XXYLT1: variants seen among roughly 807,000 people sequenced by gnomAD.
The protein encoded by XXYLT1 is xyloside xylosyltransferase 1, also known as UDP-xylose:alpha-xyloside alpha-1,3-xylosyltransferase.
In XXYLT1, 20 loss-of-function variants were observed where a neutral mutation model predicts 28.9. That is an observed-to-expected ratio of 0.69 (90% CI 0.49 to 1.00). The LOEUF is 1.00. XXYLT1 is among the 50% of genes least tolerant of loss of function. The probability of loss-of-function intolerance (pLI) is 0.00; values close to 1 mark genes in which losing one functional copy is unlikely to be tolerated. For missense variants in XXYLT1, 542 were observed against 560.1 expected (o/e 0.97, Z 0.33); for synonymous variants, 257 against 253.8 (o/e 1.01, Z -0.12).
At chr3:195,248,839 G>A (rs1725140279) in intron 1 of XXYLT1, among the ~76,000 whole-genome samples, 1 of 152,214 alleles carries the variant, frequency 6.6e-6, no homozygotes, top group Admixed American at 6.5e-5. Flanking sequence ...AGAATCGCTT[G>A]AACTCGGAGG....
chr3:195,245,446 T>C (rs1000929023), intron 1 of XXYLT1, among the ~76,000 whole-genome samples: 7 of 152,072 alleles, frequency 4.6e-5, no homozygotes, highest in African/African-American at 1.7e-4. Context: ...AATGAGCCAC[T>C]GCACCTGGCC....
intron 3 of XXYLT1, among the ~76,000 whole-genome samples, chr3:195,149,520 G>A (rs541442352): frequency 1.3e-5 from 2 of 152,282 alleles, no homozygotes; most frequent in African/African-American, 2.4e-5. Flanking sequence ...AACACCCCAC[G>A]CACGGGGGAA....
At chr3:195,251,963 G>A (rs918325262) in intron 1 of XXYLT1, among the ~76,000 whole-genome samples, 3 of 152,126 alleles carry the variant, frequency 2.0e-5, no homozygotes, top group South Asian at 2.1e-4. Context: ...GGAACCACCC[G>A]GCCATCTCTC....
chr3:195,122,226 C>T (rs755833067), intron 3 of XXYLT1: 42 of 701,010 alleles, frequency 6.0e-5, no homozygotes, highest in South Asian at 5.9e-4. Flanking sequence ...GCCCCACCTC[C>T]TGATACCATC....
At chr3:195,090,429 T>C (rs1249775815) in intron 3 of XXYLT1, among the ~76,000 whole-genome samples, 2 of 150,454 alleles carry the variant, frequency 1.3e-5, no homozygotes, top group African/African-American at 5.0e-5. Context: ...GAATGACTAC[T>C]GGGTACATAA....
At chr3:195,249,543 C>T (rs1303354169) in intron 1 of XXYLT1, among the ~76,000 whole-genome samples, 4 of 152,210 alleles carry the variant, frequency 2.6e-5, no homozygotes, top group Non-Finnish European at 5.9e-5. Context: ...AACCATGCCC[C>T]GTGGAAAGGA....
At chr3:195,185,415 C>T (rs891594262) in intron 2 of XXYLT1, among the ~76,000 whole-genome samples, 2 of 151,082 alleles carry the variant, frequency 1.3e-5, no homozygotes, top group Admixed American at 1.3e-4. Flanking sequence ...ACCATGAGGA[C>T]AGAGAGACTT....
At chr3:195,220,650 T>C (rs1340022936) in intron 2 of XXYLT1, among the ~76,000 whole-genome samples, 1 of 152,110 alleles carries the variant, frequency 6.6e-6, no homozygotes, top group Non-Finnish European at 1.5e-5. Context: ...CACTGGACAT[T>C]AAGAGACGAT....
intron 3 of XXYLT1, among the ~76,000 whole-genome samples, chr3:195,087,785 T>C (rs886312695): frequency 6.6e-6 from 1 of 152,030 alleles, no homozygotes; most frequent in Middle Eastern, 3.2e-3. Context: ...TTCATCTCAC[T>C]AGGGAGTGCC....
intron 3 of XXYLT1, among the ~76,000 whole-genome samples, chr3:195,100,527 C>T (rs1399432986): frequency 2.0e-5 from 3 of 152,068 alleles, no homozygotes; most frequent in Admixed American, 6.5e-5. Flanking sequence ...CTTAGCCCAA[C>T]ACATAAGGCT....
At chr3:195,113,762 G>T (rs1717902184) in intron 3 of XXYLT1, among the ~76,000 whole-genome samples, 1 of 152,186 alleles carries the variant, frequency 6.6e-6, no homozygotes, top group Non-Finnish European at 1.5e-5. Context: ...AGGCGGAAAG[G>T]GGTGTGGCCA....
At chr3:195,107,137 CATT>C (rs150132221) in intron 3 of XXYLT1, among the ~76,000 whole-genome samples, 104,098 of 151,308 alleles carry the variant, frequency 0.69, 36,096 homozygotes, top group Middle Eastern at 0.72. Flanking sequence ...TACAGCTTCA[CATT>C]TTCAGCAAGA....
chr3:195,261,442 AAAAGAAAAGAAAAAGGAAATT>A (rs1304503681), intron 1 of XXYLT1, among the ~76,000 whole-genome samples: 2 of 152,188 alleles, frequency 1.3e-5, no homozygotes, highest in Non-Finnish European at 2.9e-5. Flanking sequence ...CTCCATCTTA[AAAAGAAAAGAAAAAGGAAATT>A]AAAGAAAAGA....
At chr3:195,211,897 A>C (rs1383520325) in intron 2 of XXYLT1, among the ~76,000 whole-genome samples, 3 of 144,112 alleles carry the variant, frequency 2.1e-5, no homozygotes, top group Non-Finnish European at 4.5e-5. Flanking sequence ...AGAGGGGGCA[A>C]GCCACAGAAT....
chr3:195,268,614 A>T (rs1577214254), intron 1 of XXYLT1, among the ~76,000 whole-genome samples: 1 of 151,844 alleles, frequency 6.6e-6, no homozygotes, highest in Non-Finnish European at 1.5e-5. Flanking sequence ...AAAAAAAAAG[A>T]AGTAACGGGA....
intron 3 of XXYLT1, among the ~76,000 whole-genome samples, chr3:195,071,911 C>T (rs1328266151): frequency 6.6e-6 from 1 of 152,136 alleles, no homozygotes; most frequent in African/African-American, 2.4e-5. Flanking sequence ...GGAGCAGAGA[C>T]CCAAAGGGAG....
At chr3:195,101,389 C>T (rs1327505407) in intron 3 of XXYLT1, among the ~76,000 whole-genome samples, 1 of 152,262 alleles carries the variant, frequency 6.6e-6, no homozygotes, top group Non-Finnish European at 1.5e-5. Context: ...CTCAGGGCAT[C>T]ATGATGATGA....
chr3:195,103,372 TGCGTCCATCACCCCAC>T (rs1560095826), intron 3 of XXYLT1, among the ~76,000 whole-genome samples: 30 of 150,958 alleles, frequency 2.0e-4, no homozygotes, highest in African/African-American at 4.9e-4. Flanking sequence ...GCCAGCGGCC[TGCGTCCATCACCCCAC>T]GCCAGCGGCC....
intron 3 of XXYLT1, among the ~76,000 whole-genome samples, chr3:195,072,772 C>T (rs767331138): frequency 1.4e-4 from 22 of 152,152 alleles, no homozygotes; most frequent in Non-Finnish European, 2.5e-4. Flanking sequence ...CAAGGCGTCC[C>T]TACTATCCCC....
Sources: allele counts gnomAD v4.1 joint callset (sites outside exome capture counted in the v4.1 genomes callset), GRCh38; gene constraint gnomAD v4.1.1; transcripts MANE v1.5; gene names NCBI Gene and HGNC (gene_info 2026-07-23, HGNC 2026-07-21).